Variants in PAM observed in about 807,000 individuals in gnomAD.
PAM encodes peptidylglycine alpha-amidating monooxygenase, also known as peptidyl-glycine alpha-amidating monooxygenase.
In PAM, 72 loss-of-function variants were observed where a neutral mutation model predicts 122.1. That is an observed-to-expected ratio of 0.59 (90% CI 0.49 to 0.72). PAM has a LOEUF of 0.72. Ranked by LOEUF, PAM falls within the 30% of genes least tolerant of loss-of-function variation. The pLI is 0.00. For missense variants in PAM, 1,106 were observed against 1,183.7 expected, an observed-to-expected ratio of 0.93 and a Z score of 0.96; for synonymous variants, 389 against 404.4, an observed-to-expected ratio of 0.96 and a Z score of 0.46.
intron 4 of PAM, among the ~76,000 whole-genome samples, chr5:102,909,932 C>T (rs1741099261): frequency 6.6e-6 from 1 of 151,850 alleles, no homozygotes; most frequent in Non-Finnish European, 1.5e-5. Flanking sequence ...TATCTATGCT[C>T]TGTAGTATTC....
At chr5:102,793,205 G>C (rs539415353) in intron 1 of PAM, among the ~76,000 whole-genome samples, 1 of 152,216 alleles carries the variant, frequency 6.6e-6, no homozygotes, top group South Asian at 2.1e-4. Context: ...AAGTGCCTAG[G>C]CTTTTCCATT....
intron 22 of PAM, among the ~76,000 whole-genome samples, chr5:103,017,903 A>T (rs1455847139): frequency 6.6e-6 from 1 of 152,144 alleles, no homozygotes; most frequent in African/African-American, 2.4e-5. Context: ...CTTGGACTTC[A>T]GCTTTCCCAA....
chr5:102,902,094 CAAA>C (rs1798121635), intron 4 of PAM, among the ~76,000 whole-genome samples: 1 of 151,520 alleles, frequency 6.6e-6, no homozygotes, highest in South Asian at 2.1e-4. Context: ...CTGTGATTGG[CAAA>C]TTATTCATGT....
rs1182893744 is a variant in PAM, at chr5:102,982,282, C to G, written c.1483+7846C>G. On this transcript the variant is annotated intron_variant, in intron 15 of 25. Coordinates refer to ENST00000438793, the MANE Select transcript of PAM (RefSeq NM_001177306.2). Reference sequence around the variant, plus strand: ...TCCTTCCAGCCCACTACCACCACTGCTGGTGTCCATGTGTATGACTTGGGG... The same window carrying G: ...TCCTTCCAGCCCACTACCACCACTGGTGGTGTCCATGTGTATGACTTGGGG... Among the ~76,000 whole-genome samples the G allele has an allele frequency of 4.6e-5, 7 of 152,306 alleles. No homozygotes were observed. The East Asian group carries it at 1.4e-3, about 29-fold the overall frequency.
At chr5:102,805,151 A>G (rs1247382183) in intron 1 of PAM, among the ~76,000 whole-genome samples, 1 of 146,936 alleles carries the variant, frequency 6.8e-6, no homozygotes, top group Admixed American at 6.9e-5. Context: ...GCTCACTGCA[A>G]CCTCCGCCTC....
At chr5:102,925,148 T>C in intron 6 of PAM, 106 bp downstream of exon 6, 2 of 708,668 alleles carry the variant, frequency 2.8e-6, no homozygotes, top group Middle Eastern at 2.4e-4. Flanking sequence ...GTGTTCTGTA[T>C]TGCTGCTTCA....
intron 21 of PAM, among the ~76,000 whole-genome samples, chr5:103,012,550 CT>C (rs1780912763): frequency 6.6e-6 from 1 of 152,068 alleles, no homozygotes; most frequent in Non-Finnish European, 1.5e-5. Flanking sequence ...TTCTTGGAAA[CT>C]TTGTGAAAAA....
chr5:103,014,736 T>C (rs1305044821), intron 21 of PAM, among the ~76,000 whole-genome samples: 1 of 152,174 alleles, frequency 6.6e-6, no homozygotes, highest in South Asian at 2.1e-4. Context: ...AGGGACTCTG[T>C]TTTTATGTCT....
At chr5:102,845,627 A>G (rs1316386820) in intron 1 of PAM, among the ~76,000 whole-genome samples, 2 of 152,208 alleles carry the variant, frequency 1.3e-5, no homozygotes, top group Non-Finnish European at 2.9e-5. Context: ...TTAAGGTCAG[A>G]ACATCCAATA....
chr5:102,937,611 A>C (rs918649660), intron 7 of PAM, among the ~76,000 whole-genome samples: 1 of 152,212 alleles, frequency 6.6e-6, no homozygotes, highest in Admixed American at 6.5e-5. Flanking sequence ...GACAGAGAAC[A>C]GAGTTCAGAG....
chr5:102,766,279 C>A (rs1190755057), intron 1 of PAM, among the ~76,000 whole-genome samples: 2 of 152,074 alleles, frequency 1.3e-5, no homozygotes, highest in Non-Finnish European at 2.9e-5. Flanking sequence ...TACAACTCAC[C>A]ATAATGTAGA....
chr5:102,959,688 A>G (rs111807729), intron 12 of PAM, among the ~76,000 whole-genome samples, 187 bp from the exon 13 acceptor site: 287 of 152,270 alleles, frequency 1.9e-3, no homozygotes, highest in African/African-American at 6.1e-3. Context: ...TTAAGTGGAA[A>G]TATGCCTTTG....
intron 1 of PAM, among the ~76,000 whole-genome samples, chr5:102,845,231 A>C (rs544489084): frequency 7.2e-5 from 11 of 152,198 alleles, no homozygotes; most frequent in Non-Finnish European, 1.5e-4. Flanking sequence ...TGCACATGAG[A>C]TGAGAGGAGG....
intron 1 of PAM, among the ~76,000 whole-genome samples, chr5:102,825,575 T>G (rs1413973638): frequency 6.6e-6 from 1 of 152,194 alleles, no homozygotes; most frequent in Non-Finnish European, 1.5e-5. Flanking sequence ...GTATGGGTTG[T>G]GTGAACTTGG....
intron 1 of PAM, among the ~76,000 whole-genome samples, chr5:102,818,477 C>G (rs924062969): frequency 6.6e-6 from 1 of 151,830 alleles, no homozygotes; most frequent in African/African-American, 2.4e-5. Flanking sequence ...CTGCCCTTTA[C>G]AGACCTTGTC....
intron 1 of PAM, among the ~76,000 whole-genome samples, chr5:102,796,383 C>T (rs1763384000): frequency 6.6e-6 from 1 of 152,164 alleles, no homozygotes; most frequent in South Asian, 2.1e-4. Flanking sequence ...TCCCAGATGT[C>T]ATCCCAGAGT....
At chr5:102,898,235 G>C (rs1796719417) in intron 3 of PAM, among the ~76,000 whole-genome samples, 2 of 151,530 alleles carry the variant, frequency 1.3e-5, no homozygotes, top group African/African-American at 4.8e-5. Flanking sequence ...TGGCTATGTA[G>C]ATTCATATTA....
intron 2 of PAM, chr5:102,866,555 A>G (rs1299028768): frequency 8.8e-6 from 4 of 453,500 alleles, no homozygotes; most frequent in Non-Finnish European, 1.6e-5. Context: ...GAACTACAAT[A>G]TATTCGCTTA....
chr5:102,968,106 C>T lies in PAM; in HGVS notation c.1163-6010C>T, dbSNP rs546905795. Among the ~76,000 whole-genome samples the T allele has an allele frequency of 4.6e-5, 7 of 152,112 alleles. No individual in the cohort carries two copies. In the East Asian group the frequency reaches 1.2e-3, roughly 25 times the overall value. Reference sequence around the variant, plus strand: ...ACCAGTTTGCACGTTTCTTGTGTTACGATATGGACAAGATAGACCAGGATA... The same window carrying T: ...ACCAGTTTGCACGTTTCTTGTGTTATGATATGGACAAGATAGACCAGGATA... On this transcript the variant is annotated intron_variant, in intron 14 of 25. Coordinates refer to ENST00000438793, the MANE Select transcript of PAM (RefSeq NM_001177306.2).
Sources: allele counts gnomAD v4.1 joint callset (sites outside exome capture counted in the v4.1 genomes callset), GRCh38; gene constraint gnomAD v4.1.1; transcripts MANE v1.5; gene names NCBI Gene and HGNC (gene_info 2026-07-23, HGNC 2026-07-21).